The following PHC3 variants were observed in gnomAD, a reference collection of about 807,000 sequenced individuals.
The protein encoded by PHC3 is polyhomeotic homolog 3.
In PHC3, 13 loss-of-function variants were observed where a neutral mutation model predicts 107.4. The observed-to-expected ratio is 0.12, with a 90% CI of 0.08 to 0.19. The LOEUF (loss-of-function observed/expected upper bound fraction) is 0.19, where lower values mean the gene tolerates loss of function less well. PHC3 is among the 10% of genes least tolerant of loss of function. PHC3 has a pLI of 1.00. For synonymous variants in PHC3, 456 were observed against 427.4 expected (o/e 1.07, Z -0.83); for missense variants, 992 against 1,210.9 (o/e 0.82, Z 2.68).
chr3:170,116,837 A>G (rs1719072169), intron 10 of PHC3, among the ~76,000 whole-genome samples: 1 of 151,726 alleles, frequency 6.6e-6, no homozygotes, highest in Non-Finnish European at 1.5e-5. Context: ...ACTGAGCCCC[A>G]GGGGTCAAGG....
intron 11 of PHC3, among the ~76,000 whole-genome samples, chr3:170,112,386 T>C (rs56241439): frequency 0.16 from 20,629 of 132,918 alleles, 1,437 homozygotes; most frequent in African/African-American, 0.19. Context: ...AATTTATATA[T>C]ATATATATAT....
intron 2 of PHC3, among the ~76,000 whole-genome samples, chr3:170,175,229 G>A (rs1730235587): frequency 6.6e-6 from 1 of 152,152 alleles, no homozygotes; most frequent in Non-Finnish European, 1.5e-5. Flanking sequence ...CAATTCTATG[G>A]TCTCATAAGA....
chr3:170,117,849 A>G (rs1308341030), intron 9 of PHC3, among the ~76,000 whole-genome samples: 1 of 151,918 alleles, frequency 6.6e-6, no homozygotes, highest in Admixed American at 6.6e-5. Flanking sequence ...AAAACCAAAA[A>G]AAAAAAAAAC....
rs190401424 is a variant in PHC3 at position 170,168,707 on chromosome 3, T to C, written c.414+2666A>G. Among the ~76,000 whole-genome samples, 609 of 127,010 alleles carry C rather than the reference T, an allele frequency of 4.8e-3. 7 individuals are homozygous for C. Among genetic ancestry groups the C allele is most frequent in the Admixed American group, 0.045 (457 of 10,164 alleles). The allele number at this position is 127,010 out of a possible 152,430, so 83.3% of individuals were successfully genotyped here. ...AGGCGGAGCTTGCGGTGAGCCGAGA[T>C]CACGCCACTGCACTCCAGCCTGGGA... is the stretch of plus-strand genomic sequence containing the variant. On this transcript the variant is annotated intron_variant, in intron 4 of 14. Transcript: ENST00000495893.
chr3:170,163,770 C>T (rs1369084719), intron 4 of PHC3, among the ~76,000 whole-genome samples: 2 of 146,416 alleles, frequency 1.4e-5, no homozygotes, highest in Admixed American at 7.1e-5. Context: ...GGCTGACGCA[C>T]GAGAATCTCT....
intron 4 of PHC3, among the ~76,000 whole-genome samples, chr3:170,162,391 A>G (rs1728036926): frequency 1.3e-5 from 2 of 151,996 alleles, no homozygotes; most frequent in African/African-American, 4.8e-5. Context: ...CTTCTCCAAT[A>G]CCTCCTTTAG....
intron 8 of PHC3, chr3:170,128,208 T>C (rs1321495555): frequency 3.7e-6 from 1 of 269,208 alleles, no homozygotes. Flanking sequence ...TATAAGCATA[T>C]CTCCAACTTG....
At position 170,129,053 on chromosome 3, in the gene PHC3, G is replaced by C. The variant is rs751675530; in HGVS notation, c.1419C>G (p.Ser473=). 1 of 1,612,034 alleles carries C rather than the reference G, an allele frequency of 6.2e-7. No homozygotes were observed. The highest frequency in any genetic ancestry group is 8.5e-7 in the Non-Finnish European group (1 of 1,179,000). ...GAACTGGGCCAATGTGTACAACAGG[G>C]GAAGCTGGAAGTGGAAGATGGGATG... ...NLPSHLPLPA[S]PVVHIGPVQQ... Residue 473 remains serine (S), a synonymous_variant, in exon 8 of 15, where the codon TCC becomes TCG. Transcript: ENST00000495893.
At chr3:170,104,733 G>A (rs753381871) in intron 12 of PHC3, among the ~76,000 whole-genome samples, 2 of 152,110 alleles carry the variant, frequency 1.3e-5, no homozygotes, top group Non-Finnish European at 2.9e-5. Context: ...CTATGATAAT[G>A]AATATGCTAT....
At position 170,095,322 on chromosome 3, in the gene PHC3, T is replaced by C. The variant is rs1449602100; in HGVS notation, c.*1908A>G. 1 of 152,138 alleles carries C rather than the reference T, an allele frequency of 6.6e-6. No homozygotes were observed. Among genetic ancestry groups the C allele is most frequent in the Non-Finnish European group, 1.5e-5 (1 of 68,020 alleles). The allele number at this position is 152,138 out of a possible 1,614,324, so 9.4% of individuals were successfully genotyped here. A position where few individuals can be genotyped will look rare whatever the true frequency, so the allele number is the denominator to read the frequency against. On this transcript the variant is annotated 3_prime_UTR_variant, in exon 15 of 15. Transcript: ENST00000495893. ...GTAGGTCTGGAACATGAGCCTTATA[T>C]TATATTACATATTCTAATCCTACAT...
chr3:170,172,539 C>T lies in PHC3; in HGVS notation c.336+18G>A. The T allele has an allele frequency of 6.2e-7, 1 of 1,605,532 alleles. No homozygotes were observed. Among genetic ancestry groups the T allele is most frequent in the Non-Finnish European group, 8.5e-7 (1 of 1,177,830 alleles). On this transcript the variant is annotated intron_variant, in intron 3 of 14. Coordinates refer to ENST00000495893, the MANE Select transcript of PHC3 (RefSeq NM_024947.4). ...ATAACAGAAACTTTGATCTCATAAA[C>T]TCTTATTTTAGTCTTACCTGAACAG...
intron 4 of PHC3, among the ~76,000 whole-genome samples, chr3:170,157,913 T>C (rs1727142225): frequency 6.6e-6 from 1 of 151,730 alleles, no homozygotes; most frequent in Non-Finnish European, 1.5e-5. Flanking sequence ...GGTTTACTTA[T>C]ATTAGCAAAA....
At chr3:170,126,528 A>ATAT (rs370421296) in intron 8 of PHC3, among the ~76,000 whole-genome samples, 2,502 of 90,552 alleles carry the variant, frequency 0.028, 61 homozygotes, top group East Asian at 0.11. Context: ...ATATATATAT[A>ATAT]TTTTTTTTTT....
rs1714009826 is a variant in PHC3 at position 170,090,728 on chromosome 3, T to C, written c.*6502A>G. On this transcript the variant is annotated 3_prime_UTR_variant, in exon 15 of 15. Coordinates refer to ENST00000495893, the MANE Select transcript of PHC3 (RefSeq NM_024947.4). Reference sequence around the variant, plus strand: ...AATTAAACCAAAATCAACTTTTGAGTAGTACAGGCACCATACTGCATATCT... The same window carrying C: ...AATTAAACCAAAATCAACTTTTGAGCAGTACAGGCACCATACTGCATATCT... The C allele has an allele frequency of 6.6e-6, 1 of 152,074 alleles. No individual in the cohort carries two copies. The highest frequency in any genetic ancestry group is 1.5e-5 in the Non-Finnish European group (1 of 68,010). 9.4% of individuals were successfully genotyped at this position (152,074 alleles called of 1,614,324 possible).
At chr3:170,162,696 A>C (rs565553719) in intron 4 of PHC3, among the ~76,000 whole-genome samples, 1 of 152,298 alleles carries the variant, frequency 6.6e-6, no homozygotes, top group South Asian at 2.1e-4. Flanking sequence ...AACCAATTTG[A>C]GATCATGTCA....
chr3:170,122,018 C>T (rs1446488315), intron 9 of PHC3, among the ~76,000 whole-genome samples: 6 of 151,968 alleles, frequency 3.9e-5, no homozygotes, highest in East Asian at 3.8e-4. Flanking sequence ...TTTGGGAAGC[C>T]GAGGCAAGCG....
intron 5 of PHC3, 185 bp downstream of exon 5, chr3:170,148,901 C>G: frequency 3.8e-6 from 2 of 527,952 alleles, no homozygotes; most frequent in Admixed American, 3.1e-5. Context: ...CCAAGAAGAC[C>G]TATTAATTAA....
intron 8 of PHC3, among the ~76,000 whole-genome samples, chr3:170,123,603 A>G (rs1720779875): frequency 6.6e-6 from 1 of 152,004 alleles, no homozygotes; most frequent in African/African-American, 2.4e-5. Context: ...AGCCTGGCCA[A>G]CATGGTGAAA....
At chr3:170,144,880 T>C (rs1354881279) in intron 6 of PHC3, among the ~76,000 whole-genome samples, 2 of 152,194 alleles carry the variant, frequency 1.3e-5, no homozygotes, top group Non-Finnish European at 2.9e-5. Context: ...CAATTTTTTT[T>C]ATTTTTAGTA....
Sources: allele counts gnomAD v4.1 joint callset (sites outside exome capture counted in the v4.1 genomes callset), GRCh38; gene constraint gnomAD v4.1.1; transcripts MANE v1.5; gene names NCBI Gene and HGNC (gene_info 2026-07-23, HGNC 2026-07-21).